Variants in RTN1 observed in about 807,000 individuals in gnomAD.
RTN1 encodes the protein reticulon-1.
RTN1 carries 25 observed loss-of-function variants against 65.5 expected under a neutral mutation model. That is an observed-to-expected ratio of 0.38 (90% CI 0.28 to 0.53). The LOEUF is 0.53. Ranked by LOEUF, RTN1 falls within the 20% of genes least tolerant of loss-of-function variation. The pLI is 0.79. For synonymous variants in RTN1, 471 were observed against 447.6 expected, an observed-to-expected ratio of 1.05 and a Z score of -0.66; for missense variants, 983 against 1,025.4, an observed-to-expected ratio of 0.96 and a Z score of 0.57.
At chr14:59,601,082 T>C (rs746064523) in intron 8 of RTN1, among the ~76,000 whole-genome samples, 21 of 152,196 alleles carry the variant, frequency 1.4e-4, no homozygotes, top group Non-Finnish European at 2.8e-4. Context: ...TCCTGCTGGG[T>C]TGGAATCAAA....
intron 2 of RTN1, among the ~76,000 whole-genome samples, chr14:59,739,348 C>T (rs1566706028): frequency 6.6e-6 from 1 of 152,080 alleles, no homozygotes; most frequent in Non-Finnish European, 1.5e-5. Flanking sequence ...GGAGACCAGC[C>T]TGGCCAGCAT....
At chr14:59,689,734 A>T (rs1883921209) in intron 3 of RTN1, among the ~76,000 whole-genome samples, 1 of 152,146 alleles carries the variant, frequency 6.6e-6, no homozygotes, top group African/African-American at 2.4e-5. Context: ...GGAGAGATAG[A>T]TTTTTTCCAG....
intron 3 of RTN1, among the ~76,000 whole-genome samples, chr14:59,676,391 T>C (rs1883628126): frequency 1.3e-5 from 2 of 152,332 alleles, no homozygotes; most frequent in Non-Finnish European, 2.9e-5. Flanking sequence ...ATCATCATCA[T>C]TTGTAACTGC....
Position 59,870,546 on chromosome 14 carries a change from C to T in RTN1, c.85G>A (p.Glu29Lys), listed in dbSNP as rs1330383894. The stretch of plus-strand genomic sequence containing the variant: ...CCTTTCGGCGTCACCGCTTCGTTCT[C>T]CCCCTCCCCCCGGTGCCTGAGCCAC... The part of the protein sequence containing the change: ...SQWLRHRGEG[E>K]NEAVTPKGAT... Residue 29 changes from glutamate (E) to lysine (K), a missense_variant, in exon 1 of 9, where the codon GAG (glutamate) becomes AAG (lysine). Coordinates refer to ENST00000267484, the MANE Select transcript of RTN1 (RefSeq NM_021136.3). This position sits in a 1 kb window ranked among gnomAD's most constrained non-coding sequence, Gnocchi z 5.1. 7 of 1,457,790 alleles carry T rather than the reference C, an allele frequency of 4.8e-6. No individual in the cohort carries two copies. The highest frequency in any genetic ancestry group is 3.1e-5 in the East Asian group (1 of 32,784). The allele number at this position is 1,457,790 out of a possible 1,614,324, so 90.3% of individuals were successfully genotyped here. A position where few individuals can be genotyped will look rare whatever the true frequency, so the allele number is the denominator to read the frequency against.
At chr14:59,651,660 C>T (rs1402879766) in intron 3 of RTN1, among the ~76,000 whole-genome samples, 1 of 152,012 alleles carries the variant, frequency 6.6e-6, no homozygotes, top group Non-Finnish European at 1.5e-5. Flanking sequence ...ATTGCTTGAA[C>T]CTGGGAGGTG....
At chr14:59,715,825 C>CAA (rs76299030) in intron 3 of RTN1, among the ~76,000 whole-genome samples, 26 of 88,424 alleles carry the variant, frequency 2.9e-4, no homozygotes, top group African/African-American at 6.4e-4. Flanking sequence ...GACTCCATCT[C>CAA]AAAAAAAAAA....
chr14:59,613,759 T>C (rs1373497604), intron 3 of RTN1, among the ~76,000 whole-genome samples: 1 of 151,902 alleles, frequency 6.6e-6, no homozygotes, highest in African/African-American at 2.4e-5. Flanking sequence ...TCTGGTAGCC[T>C]GAGATTCATT....
chr14:59,848,950 C>T (rs890508602), intron 1 of RTN1, among the ~76,000 whole-genome samples: 1 of 91,966 alleles, frequency 1.1e-5, no homozygotes, highest in Non-Finnish European at 2.6e-5. Context: ...ATAGTCCCCA[C>T]CCCCCCGGGA....
chr14:59,669,456 G>C (rs1052013613), intron 3 of RTN1, among the ~76,000 whole-genome samples: 2 of 151,986 alleles, frequency 1.3e-5, no homozygotes, highest in African/African-American at 2.4e-5. Context: ...GGCCTGTCAG[G>C]GGGATGGGGG....
chr14:59,622,199 G>A (rs1882273370), intron 3 of RTN1, among the ~76,000 whole-genome samples: 1 of 152,152 alleles, frequency 6.6e-6, no homozygotes, highest in Non-Finnish European at 1.5e-5. Flanking sequence ...AAATCAGCTG[G>A]GCATAGTGGC....
chr14:59,630,720 C>T (rs1882530043), intron 3 of RTN1: 9 of 1,121,906 alleles, frequency 8.0e-6, no homozygotes, highest in Non-Finnish European at 9.8e-6. Context: ...GGCCCCGGAG[C>T]CGCCTGCGCG....
At chr14:59,730,321 C>T (rs764394897) in intron 2 of RTN1, among the ~76,000 whole-genome samples, 1 of 152,090 alleles carries the variant, frequency 6.6e-6, no homozygotes. Flanking sequence ...TGGATAACCA[C>T]AAGAAAAAGA....
intron 1 of RTN1, among the ~76,000 whole-genome samples, chr14:59,755,971 A>G (rs1044350644): frequency 1.7e-4 from 26 of 152,206 alleles, no homozygotes; most frequent in African/African-American, 6.3e-4. Context: ...GGTTTTGCAA[A>G]ATTAATGTTT....
At chr14:59,715,623 C>T (rs1041692108) in intron 3 of RTN1, among the ~76,000 whole-genome samples, 5 of 151,980 alleles carry the variant, frequency 3.3e-5, no homozygotes, top group Admixed American at 6.6e-5. Flanking sequence ...GTCAGGAGTT[C>T]GAGACCAGCC....
intron 1 of RTN1, among the ~76,000 whole-genome samples, chr14:59,824,813 T>A (rs1363142794): frequency 6.6e-6 from 1 of 152,206 alleles, no homozygotes; most frequent in African/African-American, 2.4e-5. Flanking sequence ...ATCTCCAATT[T>A]CAAGGTGTCA....
intron 1 of RTN1, among the ~76,000 whole-genome samples, chr14:59,784,434 T>G (rs1594742086): frequency 7.0e-6 from 1 of 142,634 alleles, no homozygotes; most frequent in Non-Finnish European, 1.5e-5. Flanking sequence ...AGAGCGAAAC[T>G]CCGTCTCAGA....
In RTN1 at chr14:59,727,325, G is replaced by A; in HGVS notation, c.1359C>T (p.Ile453=). Residue 453 remains isoleucine, a synonymous_variant, in exon 3 of 9, where the codon ATC becomes ATT. Coordinates refer to ENST00000267484, the MANE Select transcript of RTN1 (RefSeq NM_021136.3). The surrounding 1 kb of genome is among the most constrained non-coding windows in gnomAD (Gnocchi z 4.2). ...SPASPSIQYS[I]LREEREAELD... is the part of the protein sequence containing the mutation. ...GCTCGGCCTCGCGCTCCTCCCTCAG[G>A]ATGCTGTACTGGATGGATGGCGAGG... 1 of 1,499,344 alleles carries A rather than the reference G, an allele frequency of 6.7e-7. No homozygotes were observed. Among genetic ancestry groups the A allele is most frequent in the Middle Eastern group, 1.7e-4 (1 of 5,756 alleles). The allele number at this position is 1,499,344 out of a possible 1,614,324, so 92.9% of individuals were successfully genotyped here. A position where few individuals can be genotyped will look rare whatever the true frequency, so the allele number is the denominator to read the frequency against.
intron 6 of RTN1, 190 bp downstream of exon 6, chr14:59,603,662 C>A (rs192343429): frequency 3.2e-4 from 114 of 361,664 alleles, no homozygotes; most frequent in South Asian, 2.8e-4. Flanking sequence ...CTTAGGAATT[C>A]ATTATTAGTG....
chr14:59,789,234 T>C (rs1309996971), intron 1 of RTN1, among the ~76,000 whole-genome samples: 1 of 152,118 alleles, frequency 6.6e-6, no homozygotes, highest in African/African-American at 2.4e-5. Flanking sequence ...TTTATTTCTT[T>C]CTTTGGTCTA....
Sources: gnomAD v4.1 joint callset for allele counts (sites outside exome capture counted in the v4.1 genomes callset) on GRCh38, gnomAD v4.1.1 for gene constraint, Gnocchi (gnomAD v3.1) non-coding constraint, MANE v1.5 for transcripts, NCBI Gene and HGNC (gene_info 2026-07-23, HGNC 2026-07-21) for gene names.